Variants in NR3C2 observed in about 807,000 individuals in gnomAD.
The protein encoded by NR3C2 is mineralocorticoid receptor.
Under a neutral mutation model 86.4 loss-of-function variants are expected in NR3C2, and 15 were observed. That is an observed-to-expected ratio of 0.17 (90% CI 0.12 to 0.27). The LOEUF is 0.27. Among genes scored for constraint, NR3C2 ranks in the 10% least tolerant of loss-of-function variants. NR3C2 has a pLI of 1.00. For missense variants in NR3C2, 960 were observed against 1,195.6 expected, an observed-to-expected ratio of 0.80 and a Z score of 2.91; for synonymous variants, 458 against 450.5, an observed-to-expected ratio of 1.02 and a Z score of -0.21.
chr4:148,220,093 T>TC (rs954398520), intron 3 of NR3C2, among the ~76,000 whole-genome samples: 1 of 151,186 alleles, frequency 6.6e-6, no homozygotes, highest in African/African-American at 2.4e-5. Flanking sequence ...CAGCTAATTT[T>TC]TTTTTTCTTT....
At chr4:148,168,008 C>T (rs920914905) in intron 4 of NR3C2, among the ~76,000 whole-genome samples, 11 of 152,164 alleles carry the variant, frequency 7.2e-5, no homozygotes, top group Admixed American at 1.3e-4. Context: ...AACAAGCAGG[C>T]GGTCCTGCCA....
At chr4:148,112,894 C>T (rs547206571) in intron 8 of NR3C2, among the ~76,000 whole-genome samples, 2 of 152,194 alleles carry the variant, frequency 1.3e-5, no homozygotes, top group East Asian at 3.9e-4. Context: ...TCAACATTTT[C>T]CTTAATAGAA....
intron 3 of NR3C2, among the ~76,000 whole-genome samples, chr4:148,216,202 T>A (rs970860535): frequency 2.6e-5 from 4 of 152,150 alleles, no homozygotes; most frequent in African/African-American, 9.6e-5. Context: ...TTTTAACATA[T>A]CACAAAATAT....
intron 2 of NR3C2, among the ~76,000 whole-genome samples, chr4:148,406,481 C>A (rs1012728065): frequency 6.6e-6 from 1 of 151,906 alleles, no homozygotes; most frequent in Non-Finnish European, 1.5e-5. Flanking sequence ...AGATAATTAC[C>A]CCAGGCAGAG....
chr4:148,212,711 A>G (rs1737340790), intron 3 of NR3C2, among the ~76,000 whole-genome samples: 1 of 152,256 alleles, frequency 6.6e-6, no homozygotes, highest in South Asian at 2.1e-4. Flanking sequence ...TACATTTCAA[A>G]TATTTTTACT....
intron 2 of NR3C2, among the ~76,000 whole-genome samples, chr4:148,377,231 A>G (rs1253268262): frequency 2.6e-5 from 4 of 152,210 alleles, no homozygotes; most frequent in African/African-American, 9.6e-5. Context: ...CAGGAAGAAG[A>G]GTATAAAATT....
At chr4:148,383,751 C>A (rs1379862714) in intron 2 of NR3C2, among the ~76,000 whole-genome samples, 2 of 151,972 alleles carry the variant, frequency 1.3e-5, no homozygotes, top group Non-Finnish European at 2.9e-5. Context: ...AGTTCAGGAC[C>A]AGCCTGGTCA....
At chr4:148,342,901 A>G (rs1744817488) in intron 2 of NR3C2, among the ~76,000 whole-genome samples, 1 of 152,184 alleles carries the variant, frequency 6.6e-6, no homozygotes, top group Admixed American at 6.5e-5. Flanking sequence ...GAAACTTCAA[A>G]GTGCCTGGAA....
chr4:148,134,568 T>C (rs952723550), intron 6 of NR3C2, among the ~76,000 whole-genome samples: 3 of 150,816 alleles, frequency 2.0e-5, no homozygotes, highest in African/African-American at 4.9e-5. Flanking sequence ...TTTGTGTTCA[T>C]TGCTTAGAAG....
chr4:148,148,389 C>T (rs549794473), intron 6 of NR3C2, among the ~76,000 whole-genome samples: 34 of 152,344 alleles, frequency 2.2e-4, no homozygotes, highest in Middle Eastern at 3.4e-3. Flanking sequence ...CACTTCTAAC[C>T]CATTTTCCAT....
At chr4:148,165,084 T>C (rs968283288) in intron 4 of NR3C2, among the ~76,000 whole-genome samples, 19 of 152,326 alleles carry the variant, frequency 1.2e-4, no homozygotes, top group South Asian at 2.1e-4. Flanking sequence ...CACTAAGTAA[T>C]AGTTTTTTAA....
chr4:148,171,352 G>A (rs1735114663), intron 4 of NR3C2, among the ~76,000 whole-genome samples: 1 of 152,184 alleles, frequency 6.6e-6, no homozygotes, highest in Non-Finnish European at 1.5e-5. Flanking sequence ...TCAATCACGA[G>A]TGCAGCTTCA....
chr4:148,300,816 C>T (rs1261511634), intron 2 of NR3C2, among the ~76,000 whole-genome samples: 2 of 152,160 alleles, frequency 1.3e-5, no homozygotes, highest in Admixed American at 6.5e-5. Context: ...AGGTAATCCA[C>T]CCACCTTGGC....
At chr4:148,194,421 C>T (rs920239327) in intron 4 of NR3C2, among the ~76,000 whole-genome samples, 6 of 152,120 alleles carry the variant, frequency 3.9e-5, no homozygotes, top group East Asian at 1.9e-4. Flanking sequence ...TCTAAACAGA[C>T]GTGGCAATAA....
chr4:148,380,874 CATA>C (rs1055362321), intron 2 of NR3C2, among the ~76,000 whole-genome samples: 12 of 152,128 alleles, frequency 7.9e-5, no homozygotes, highest in East Asian at 5.8e-4. Context: ...ACCAAAAAAC[CATA>C]ATATTTAAAA....
At chr4:148,354,469 T>C (rs1003423396) in intron 2 of NR3C2, among the ~76,000 whole-genome samples, 3 of 152,082 alleles carry the variant, frequency 2.0e-5, no homozygotes, top group African/African-American at 7.2e-5. Context: ...GAGTCAACTA[T>C]ATTTAAACCT....
chr4:148,331,342 C>A (rs1744226584), intron 2 of NR3C2, among the ~76,000 whole-genome samples: 1 of 152,102 alleles, frequency 6.6e-6, no homozygotes, highest in Non-Finnish European at 1.5e-5. Context: ...ATTTGCAGAG[C>A]AAGAGTTTAG....
intron 3 of NR3C2, among the ~76,000 whole-genome samples, chr4:148,234,679 A>G (rs961963048): frequency 8.2e-4 from 122 of 148,712 alleles, no homozygotes; most frequent in African/African-American, 2.9e-3. Flanking sequence ...TGAGACTCCA[A>G]CTAAAAAAAA....
At chr4:148,263,250 C>T (rs79045067) in intron 2 of NR3C2, among the ~76,000 whole-genome samples, 3 of 152,324 alleles carry the variant, frequency 2.0e-5, no homozygotes, top group African/African-American at 4.8e-5. Flanking sequence ...GCATATCATG[C>T]TCAAAACAAT....
Sources: allele counts gnomAD v4.1 joint callset (sites outside exome capture counted in the v4.1 genomes callset), GRCh38; gene constraint gnomAD v4.1.1; transcripts MANE v1.5; gene names NCBI Gene and HGNC (gene_info 2026-07-23, HGNC 2026-07-21).